Variants in NDUFAF2 observed in about 807,000 individuals in gnomAD.
NDUFAF2 encodes NADH:ubiquinone oxidoreductase complex assembly factor 2.
Under a neutral mutation model 22.8 loss-of-function variants are expected in NDUFAF2, and 13 were observed. The observed-to-expected ratio is 0.57, with a 90% CI of 0.37 to 0.91. The LOEUF is 0.91. NDUFAF2 is among the 40% of genes least tolerant of loss of function. NDUFAF2 has a pLI of 0.01. For synonymous variants in NDUFAF2, 53 were observed against 64.2 expected, an observed-to-expected ratio of 0.83 and a Z score of 0.84; for missense variants, 162 against 195.2, an observed-to-expected ratio of 0.83 and a Z score of 1.01.
chr5:61,136,017 A>ATATATATATATATATATATATATG (rs1740928009), intron 3 of NDUFAF2, among the ~76,000 whole-genome samples: 1 of 29,592 alleles, frequency 3.4e-5, no homozygotes, highest in African/African-American at 7.4e-5. Context: ...ATATATATAT[A>ATATATATATATATATATATATATG]TATATATATA....
At chr5:61,152,179 C>T (rs1741251747) in intron 3 of NDUFAF2, among the ~76,000 whole-genome samples, 2 of 152,024 alleles carry the variant, frequency 1.3e-5, no homozygotes, top group South Asian at 4.2e-4. Context: ...CATTCCTATC[C>T]TCCTCCTTTC....
chr5:60,984,985 G>A lies in NDUFAF2; in HGVS notation c.127+39603G>A, dbSNP rs188110878. ...GAGGAAATGGTACCAGCTCCTCCTT[G>A]TACCTCTGGTAGAATTCGGCTGTGA... On this transcript the variant is annotated intron_variant, in intron 1 of 3. Coordinates refer to ENST00000296597, the MANE Select transcript of NDUFAF2 (RefSeq NM_174889.5). Among the ~76,000 whole-genome samples the A allele has an allele frequency of 5.3e-5, 8 of 152,284 alleles. No individual in the cohort carries two copies. The East Asian group carries it at 1.4e-3, about 26-fold the overall frequency.
chr5:60,979,627 G>A (rs1455158969), intron 1 of NDUFAF2, among the ~76,000 whole-genome samples: 5 of 152,092 alleles, frequency 3.3e-5, no homozygotes, highest in African/African-American at 1.2e-4. Flanking sequence ...TGTGGCTCAG[G>A]TGCCGGCTCA....
intron 3 of NDUFAF2, among the ~76,000 whole-genome samples, chr5:61,117,838 T>G (rs930669182): frequency 1.3e-5 from 2 of 152,136 alleles, no homozygotes; most frequent in Admixed American, 1.3e-4. Context: ...TGAAAGCAGT[T>G]ATAGATGGTA....
intron 1 of NDUFAF2, among the ~76,000 whole-genome samples, chr5:60,959,619 A>C (rs1343473287): frequency 2.0e-5 from 3 of 152,098 alleles, no homozygotes; most frequent in African/African-American, 4.8e-5. Context: ...TCAGATTGAT[A>C]GAATATCCTA....
chr5:61,151,318 T>A (rs1259175628), intron 3 of NDUFAF2, among the ~76,000 whole-genome samples: 5 of 152,096 alleles, frequency 3.3e-5, no homozygotes, highest in African/African-American at 9.7e-5. Flanking sequence ...TTTGAAATTT[T>A]AAAAATACTT....
At chr5:61,122,239 C>T (rs1752985117) in intron 3 of NDUFAF2, among the ~76,000 whole-genome samples, 1 of 152,162 alleles carries the variant, frequency 6.6e-6, no homozygotes, top group Non-Finnish European at 1.5e-5. Flanking sequence ...GAGCCAATTC[C>T]TTACAGTCAC....
At position 61,039,114 on chromosome 5, in the gene NDUFAF2, T is replaced by C. The variant is rs564529638; in HGVS notation, c.128-34011T>C. 7.3e-5 allele frequency among the ~76,000 whole-genome samples: 10 copies of C among 136,482 alleles called. No homozygotes were observed. In the South Asian group the frequency reaches 1.6e-3, roughly 22 times the overall value. 89.5% of individuals were successfully genotyped at this position (136,482 alleles called of 152,430 possible). ...TTATTCATATTGTGACAGTAATTGG[T>C]AGAAAACTGTTTCTCACAGCTGACA... is the stretch of plus-strand genomic sequence containing the variant. On this transcript the variant is annotated intron_variant, in intron 1 of 3. Transcript: ENST00000296597.
chr5:60,967,558 G>A (rs949994344), intron 1 of NDUFAF2, among the ~76,000 whole-genome samples: 13 of 151,516 alleles, frequency 8.6e-5, no homozygotes, highest in Non-Finnish European at 1.6e-4. Context: ...ATGAAAGAGT[G>A]TTGAATTTTG....
intron 3 of NDUFAF2, among the ~76,000 whole-genome samples, chr5:61,130,864 A>G (rs1753100015): frequency 2.0e-5 from 3 of 152,164 alleles, no homozygotes. Flanking sequence ...CAGACACATA[A>G]CAATACGAAA....
intron 1 of NDUFAF2, among the ~76,000 whole-genome samples, chr5:61,018,049 C>T (rs1414600573): frequency 6.6e-6 from 1 of 152,076 alleles, no homozygotes. Flanking sequence ...ACTGCATCCT[C>T]ATATTAACTT....
At chr5:61,048,152 A>C (rs551927205) in intron 1 of NDUFAF2, among the ~76,000 whole-genome samples, 1 of 152,266 alleles carries the variant, frequency 6.6e-6, no homozygotes, top group Non-Finnish European at 1.5e-5. Context: ...TCTAATGTGT[A>C]CTGGAACTGA....
intron 1 of NDUFAF2, among the ~76,000 whole-genome samples, chr5:61,057,302 C>CTTTA (rs1752112181): frequency 6.6e-6 from 1 of 152,132 alleles, no homozygotes; most frequent in Non-Finnish European, 1.5e-5. Context: ...CTGAAGTAGG[C>CTTTA]TTTACATGTT....
At position 61,152,907 on chromosome 5, in the gene NDUFAF2, T is replaced by C. The variant is rs77878573; in HGVS notation, c.462T>C (p.Phe154=). ...SVAPSSTGKT[F]QPGSWMPRDG... ...CTCCCAGCAGCACTGGTAAAACCTT[T>C]CAGCCAGGATCCTGGATGCCACGAG... The change falls in exon 4 of 4, where the codon TTT becomes TTC. Residue 154 remains phenylalanine, a synonymous_variant. Coordinates refer to ENST00000296597, the MANE Select transcript of NDUFAF2 (RefSeq NM_174889.5). 5,017 of 1,613,530 alleles carry C rather than the reference T, an allele frequency of 3.1e-3. 171 individuals are homozygous for C. The African/African-American group carries it at 0.062, about 20-fold the overall frequency.
chr5:61,100,610 T>C (rs1180193867), intron 3 of NDUFAF2, among the ~76,000 whole-genome samples: 1 of 152,076 alleles, frequency 6.6e-6, no homozygotes, highest in East Asian at 1.9e-4. Flanking sequence ...AATTTCTGTT[T>C]CTTTGTTAGC....
chr5:61,132,201 A>G (rs1177387692), intron 3 of NDUFAF2, among the ~76,000 whole-genome samples: 1 of 152,170 alleles, frequency 6.6e-6, no homozygotes, highest in African/African-American at 2.4e-5. Context: ...TGAAAGCAGG[A>G]CTGTGTTTTG....
chr5:61,081,051 A>G (rs1187504189), intron 2 of NDUFAF2, among the ~76,000 whole-genome samples: 2 of 152,098 alleles, frequency 1.3e-5, no homozygotes, highest in East Asian at 1.9e-4. Context: ...TTTTATGGCA[A>G]TCTAATTTTC....
intron 1 of NDUFAF2, among the ~76,000 whole-genome samples, chr5:60,968,527 T>G (rs1750787010): frequency 6.6e-6 from 1 of 151,920 alleles, no homozygotes; most frequent in African/African-American, 2.4e-5. Flanking sequence ...TATGTTATGT[T>G]TCCATTTTTG....
At chr5:61,029,190 A>G (rs1751693428) in intron 1 of NDUFAF2, among the ~76,000 whole-genome samples, 1 of 152,174 alleles carries the variant, frequency 6.6e-6, no homozygotes, top group Non-Finnish European at 1.5e-5. Context: ...GAGAATACTG[A>G]TAATAGGATA....
Sources: allele counts gnomAD v4.1 joint callset (sites outside exome capture counted in the v4.1 genomes callset), GRCh38; gene constraint gnomAD v4.1.1; transcripts MANE v1.5; gene names NCBI Gene and HGNC (gene_info 2026-07-23, HGNC 2026-07-21).